Variants in DIO2 observed in about 807,000 individuals in gnomAD.
The protein encoded by DIO2 is iodothyronine deiodinase 2, also known as type II iodothyronine deiodinase.
A neutral mutation model predicts 21.4 loss-of-function variants in DIO2; 19 were observed. The observed-to-expected ratio is 0.89, with a 90% CI of 0.62 to 1.30. The LOEUF is 1.30. Among genes scored for constraint, DIO2 ranks in the 50% most tolerant of loss-of-function variants. The probability of loss-of-function intolerance (pLI) is 0.00; values close to 1 mark genes in which losing one functional copy is unlikely to be tolerated. For missense variants in DIO2, 302 were observed against 338.1 expected (o/e 0.89, Z 0.84); for synonymous variants, 122 against 132.9 (o/e 0.92, Z 0.57).
upstream of DIO2, among the ~76,000 whole-genome samples, chr14:80,213,837 A>G (rs1442051598): frequency 2.0e-5 from 3 of 152,118 alleles, no homozygotes; most frequent in East Asian, 5.8e-4. Context: ...AAATTCTTTC[A>G]TTTTTTTCAT....
intron 2 of DIO2, among the ~76,000 whole-genome samples, chr14:80,228,794 T>C (rs1202569878): frequency 5.3e-5 from 8 of 152,116 alleles, no homozygotes; most frequent in Non-Finnish European, 2.9e-5. Context: ...TAAAACTCGA[T>C]TAATTATCTG....
In DIO2 at chr14:80,198,520, G is replaced by A. The variant is rs1887573598; in HGVS notation, c.*4169C>T. 6.6e-6 allele frequency: 1 copy of A among 152,422 alleles called. No individual in the cohort carries two copies. Among genetic ancestry groups the A allele is most frequent in the Admixed American group, 6.5e-5 (1 of 15,270 alleles). The allele number at this position is 152,422 out of a possible 1,614,324, so 9.4% of individuals were successfully genotyped here. On this transcript the variant is annotated 3_prime_UTR_variant, in exon 2 of 2. Coordinates refer to ENST00000438257, the MANE Select transcript of DIO2 (RefSeq NM_013989.5). Reference sequence around the variant, plus strand: ...GTTTTCAAATCTTCCCAGATTGGTAGACCAAGCCCTCAGGGCCTTGTTCTT... The same window carrying A: ...GTTTTCAAATCTTCCCAGATTGGTAAACCAAGCCCTCAGGGCCTTGTTCTT...
At position 80,202,970 on chromosome 14, in the gene DIO2, C is replaced by G. The variant is rs1887797350; in HGVS notation, c.541G>C (p.Glu181Gln). Residue 181 changes from glutamate to glutamine, a missense_variant, in exon 2 of 2, where the codon GAG becomes CAG. Coordinates refer to ENST00000438257, the MANE Select transcript of DIO2 (RefSeq NM_013989.5). ...TCCTGGTTCTGGTGCTTCTTCACCT[C>G]AAAAGACAAAGAGGAGTCCCCCGGT... ...AIPGDSSLSF[E>Q]VKKHQNQEDR... The G allele has an allele frequency of 6.2e-7, 1 of 1,613,946 alleles. No individual in the cohort carries two copies.
At chr14:80,213,328 A>G (rs772087364), upstream of DIO2, among the ~76,000 whole-genome samples, 6 of 152,208 alleles carry the variant, frequency 3.9e-5, no homozygotes, top group Admixed American at 1.3e-4. Flanking sequence ...TGAGTTTTCT[A>G]TGTAGCCAGA....
rs555142748 is a variant in DIO2 at position 80,202,631 on chromosome 14, T to C, written c.*58A>G. ...TCTGTTGAAATATGGATTCAGTTCT[T>C]AATTTCCTTGCCTTTATATAACTTT... On this transcript the variant is annotated 3_prime_UTR_variant, in exon 2 of 2. Coordinates refer to ENST00000438257, the MANE Select transcript of DIO2 (RefSeq NM_013989.5). 1.0e-4 allele frequency: 153 copies of C among 1,491,126 alleles called. No homozygotes were observed. In the Middle Eastern group the frequency reaches 2.3e-3, roughly 22 times the overall value. The allele number at this position is 1,491,126 out of a possible 1,614,324, so 92.4% of individuals were successfully genotyped here.
chr14:80,227,771 C>A (rs1888605099), intron 2 of DIO2, among the ~76,000 whole-genome samples: 2 of 152,170 alleles, frequency 1.3e-5, no homozygotes, highest in East Asian at 3.9e-4. Flanking sequence ...GTTCTGGATT[C>A]CACTCAAAAA....
intron 1 of DIO2, among the ~76,000 whole-genome samples, chr14:80,207,990 G>A (rs544442455): frequency 1.3e-5 from 2 of 152,258 alleles, no homozygotes; most frequent in South Asian, 2.1e-4. Context: ...AAAATTATAT[G>A]TTCAAATGAA....
At chr14:80,204,595 C>T (rs532184607) in intron 1 of DIO2, among the ~76,000 whole-genome samples, 1 of 152,140 alleles carries the variant, frequency 6.6e-6, no homozygotes, top group Non-Finnish European at 1.5e-5. Flanking sequence ...ACATTAGGGA[C>T]AATTTAGGGA....
At chr14:80,209,982 G>A (rs909138272) in intron 1 of DIO2, among the ~76,000 whole-genome samples, 11 of 152,052 alleles carry the variant, frequency 7.2e-5, no homozygotes, top group South Asian at 2.1e-4. Flanking sequence ...ATTCCCTTGC[G>A]TCTCTATTAT....
In DIO2 at chr14:80,211,365, G is replaced by C; in HGVS notation, c.108C>G (p.His36Gln). Residue 36 changes from histidine (H) to glutamine (Q), a missense_variant, in exon 1 of 2, where the codon CAC (histidine) becomes CAG (glutamine). Transcript: ENST00000438257. The stretch of plus-strand genomic sequence containing the variant: ...TGGAGCGGCTCAACAGCAGCACCAC[G>C]TGCTTGAGCAGAATGACCGAGTCAT... ...ALYDSVILLK[H>Q]VVLLLSRSKS... is the part of the protein sequence containing the mutation. The C allele has an allele frequency of 1.9e-6, 3 of 1,613,802 alleles. No homozygotes were observed. Among genetic ancestry groups the C allele is most frequent in the Non-Finnish European group, 2.5e-6 (3 of 1,179,870 alleles).
At chr14:80,219,086 T>G (rs1888413455) in intron 2 of DIO2, among the ~76,000 whole-genome samples, 1 of 152,234 alleles carries the variant, frequency 6.6e-6, no homozygotes, top group Non-Finnish European at 1.5e-5. Context: ...TTCCCTACTG[T>G]CCTGGGACCT....
upstream of DIO2, among the ~76,000 whole-genome samples, chr14:80,213,028 C>A (rs1201394536): frequency 2.0e-5 from 3 of 152,124 alleles, no homozygotes; most frequent in African/African-American, 7.2e-5. Flanking sequence ...GTTAGCATAA[C>A]CCCTAAGAGA....
intron 2 of DIO2, among the ~76,000 whole-genome samples, chr14:80,222,955 G>A (rs367557390): frequency 5.7e-4 from 86 of 150,680 alleles, no homozygotes; most frequent in African/African-American, 1.8e-3. Context: ...CTCAAACTCC[G>A]GACTCAAGCA....
intron 2 of DIO2, chr14:80,219,505 ATTTTTTTT>A (rs61373366): frequency 9.3e-6 from 1 of 107,684 alleles, no homozygotes; most frequent in African/African-American, 3.5e-5. Flanking sequence ...ACTGTAAGTC[ATTTTTTTT>A]TTTTTTTTTT....
At position 80,203,029 on chromosome 14, in the gene DIO2, A is replaced by G; in HGVS notation, c.482T>C (p.Ile161Thr). ...SSVADFLLVY[I>T]DEAHPSDGWA... ...GCCATCTGATGGATGAGCCTCATCA[A>G]TGTAGACCAGCAGGAAGTCAGCCAC... Residue 161 changes from isoleucine to threonine, a missense_variant, in exon 2 of 2, where the codon ATT becomes ACT. Physicochemically the swap from Ile to Thr is moderately conservative, Grantham distance 89 (BLOSUM62 -1). Coordinates refer to ENST00000438257, the MANE Select transcript of DIO2 (RefSeq NM_013989.5). 1.2e-6 allele frequency: 2 copies of G among 1,613,974 alleles called. No individual in the cohort carries two copies. Among genetic ancestry groups the G allele is most frequent in the Non-Finnish European group, 1.7e-6 (2 of 1,179,892 alleles).
Position 80,202,374 on chromosome 14 carries a change from G to T in DIO2, c.*315C>A. ...GTAAGTCTTTTCTTCTGGTCTCAAA[G>T]CATGCATCAGATGTATCAGTTCCTT... On this transcript the variant is annotated 3_prime_UTR_variant, in exon 2 of 2. Coordinates refer to ENST00000438257, the MANE Select transcript of DIO2 (RefSeq NM_013989.5). 1 of 596,132 alleles carries T rather than the reference G, an allele frequency of 1.7e-6. No individual in the cohort carries two copies. Among genetic ancestry groups the T allele is most frequent in the Non-Finnish European group, 3.2e-6 (1 of 311,372 alleles). The allele number at this position is 596,132 out of a possible 1,614,324, so 36.9% of individuals were successfully genotyped here.
intron 2 of DIO2, among the ~76,000 whole-genome samples, chr14:80,221,375 G>T (rs1203355020): frequency 6.6e-6 from 1 of 152,090 alleles, no homozygotes; most frequent in Non-Finnish European, 1.5e-5. Flanking sequence ...CCAATGTTTT[G>T]TCTGAGTACC....
rs1042646949 is a variant in DIO2, at chr14:80,223,688, C to A, written c.-277-6951G>T. Reference sequence around the variant, plus strand: ...ACAATTTTAGAGTAGAATGTAATTTCTTCTCTGAGGGAACAGCATATCTCT... The same window carrying A: ...ACAATTTTAGAGTAGAATGTAATTTATTCTCTGAGGGAACAGCATATCTCT... On this transcript the variant is annotated intron_variant, in intron 2 of 4. Coordinates refer to the DIO2 transcript ENST00000553594. Among the ~76,000 whole-genome samples the A allele has an allele frequency of 3.9e-5, 6 of 152,154 alleles. No individual in the cohort carries two copies. The South Asian group carries it at 6.2e-4, about 16-fold the overall frequency.
At chr14:80,228,648 T>A (rs1427753785) in intron 2 of DIO2, among the ~76,000 whole-genome samples, 2 of 152,190 alleles carry the variant, frequency 1.3e-5, no homozygotes, top group African/African-American at 2.4e-5. Context: ...GCCCTCACCC[T>A]ACCAGGCAGG....
Sources: allele counts gnomAD v4.1 joint callset (sites outside exome capture counted in the v4.1 genomes callset), GRCh38; gene constraint gnomAD v4.1.1; transcripts MANE v1.5; gene names NCBI Gene and HGNC (gene_info 2026-07-23, HGNC 2026-07-21).